The following SLC49A4 variants were observed in gnomAD, a reference collection of about 807,000 sequenced individuals.
SLC49A4 encodes the protein disrupted in renal cancer protein 2.
In SLC49A4, 36 loss-of-function variants were observed where a neutral mutation model predicts 50.6. The observed-to-expected ratio is 0.71, with a 90% confidence interval of 0.55 to 0.94. The LOEUF (loss-of-function observed/expected upper bound fraction) is 0.94. Ranked by LOEUF, SLC49A4 falls within the 40% of genes least tolerant of loss-of-function variation. SLC49A4 has a pLI of 0.00. For missense variants in SLC49A4, 503 were observed against 605.7 expected (o/e 0.83, Z 1.78); for synonymous variants, 248 against 241.2 (o/e 1.03, Z -0.26).
intron 4 of SLC49A4, among the ~76,000 whole-genome samples, chr3:122,838,215 C>G (rs1404728566): frequency 6.6e-6 from 1 of 152,110 alleles, no homozygotes; most frequent in Non-Finnish European, 1.5e-5. Flanking sequence ...TGGGTATATA[C>G]CCAAAGGATT....
chr3:122,813,783 G>A (rs1428170267), intron 2 of SLC49A4, among the ~76,000 whole-genome samples: 1 of 151,938 alleles, frequency 6.6e-6, no homozygotes, highest in Non-Finnish European at 1.5e-5. Flanking sequence ...TAAAAAATCA[G>A]GATTATTTGA....
chr3:122,848,061 T>G (rs1197084885), intron 5 of SLC49A4, among the ~76,000 whole-genome samples: 1 of 152,224 alleles, frequency 6.6e-6, no homozygotes, highest in Non-Finnish European at 1.5e-5. Flanking sequence ...TGTTGCACGG[T>G]GTAGATAGAG....
chr3:122,865,922 C>A (rs1937112983), intron 7 of SLC49A4, among the ~76,000 whole-genome samples: 1 of 152,172 alleles, frequency 6.6e-6, no homozygotes, highest in Non-Finnish European at 1.5e-5. Flanking sequence ...ATTATCTACT[C>A]CTTAAGATAA....
In SLC49A4 at chr3:122,859,214, C is replaced by G. The variant is rs549437235; in HGVS notation, c.1011-861C>G. ...GTAAACAGGAGTAAGACGTGAAGAT[C>G]CGGGTGGTACCAGCATTCCAGGCAG... On this transcript the variant is annotated intron_variant, in intron 6 of 8. Coordinates refer to ENST00000261038, the MANE Select transcript of SLC49A4 (RefSeq NM_032839.3). 2.0e-5 allele frequency among the ~76,000 whole-genome samples: 3 copies of G among 152,218 alleles called. No individual in the cohort carries two copies. In the South Asian group the frequency reaches 6.2e-4, roughly 32 times the overall value.
chr3:122,872,434 T>C lies in SLC49A4; in HGVS notation c.1158T>C (p.Cys386=). 2 of 1,611,400 alleles carry C rather than the reference T, an allele frequency of 1.2e-6. No homozygotes were observed. Among genetic ancestry groups the C allele is most frequent in the East Asian group, 2.2e-5 (1 of 44,856 alleles). Residue 386 remains cysteine (C), a synonymous_variant, in exon 8 of 9, where the codon TGT becomes TGC. Transcript: ENST00000261038. The part of the protein sequence containing the change: ...PLTTVTLYAS[C]ILLGVFLNSS... ...TTTTAGTGACATTGTATGCCTCCTGTATTCTCCTGGGAGTGTTCTTGAATA... is the reference window on the plus strand; with the variant it reads ...TTTTAGTGACATTGTATGCCTCCTGCATTCTCCTGGGAGTGTTCTTGAATA...
At chr3:122,841,662 G>A (rs1436471765) in intron 4 of SLC49A4, among the ~76,000 whole-genome samples, 1 of 152,196 alleles carries the variant, frequency 6.6e-6, no homozygotes, top group Admixed American at 6.5e-5. Context: ...CATTTCAAAT[G>A]CTATGTAATA....
intron 2 of SLC49A4, among the ~76,000 whole-genome samples, chr3:122,820,327 T>C (rs973948985): frequency 2.6e-5 from 4 of 152,198 alleles, no homozygotes; most frequent in Non-Finnish European, 2.9e-5. Flanking sequence ...TCCAATACTT[T>C]TTAAAGAAAG....
At chr3:122,843,882 G>A (rs6770288) in intron 4 of SLC49A4, among the ~76,000 whole-genome samples, 67 of 152,310 alleles carry the variant, frequency 4.4e-4, no homozygotes, top group African/African-American at 1.6e-3. Context: ...ATTTTGTGAT[G>A]TTAGCACTCT....
intron 2 of SLC49A4, among the ~76,000 whole-genome samples, chr3:122,820,629 A>G (rs549398255): frequency 2.6e-5 from 4 of 152,354 alleles, no homozygotes; most frequent in African/African-American, 7.2e-5. Context: ...TTGTCTGAAA[A>G]GCTATAGTCA....
intron 8 of SLC49A4, 29 bp from the exon 9 acceptor site, chr3:122,879,234 T>C (rs1347710485): frequency 6.5e-7 from 1 of 1,546,508 alleles, no homozygotes. Flanking sequence ...ACATGAATGT[T>C]TAAAACTGCA....
rs755865999 is a variant in SLC49A4 at position 122,833,383 on chromosome 3, C to A, written c.770C>A (p.Pro257His). ...TATTTCCCACCCCGACCTCCTCTTC[C>A]TCCCAGTGTTGCTGCAGCTAGCCAG... is the stretch of plus-strand genomic sequence containing the variant. ...LAYFPPRPPL[P>H]PSVAAASQRL... Residue 257 changes from proline (P) to histidine (H), a missense_variant, in exon 4 of 9, where the codon CCT (proline) becomes CAT (histidine). Transcript: ENST00000261038. 3 of 1,613,566 alleles carry A rather than the reference C, an allele frequency of 1.9e-6. No homozygotes were observed. In the African/African-American group the frequency reaches 4.0e-5, roughly 22 times the overall value.
chr3:122,857,572 G>T (rs1250722089), intron 6 of SLC49A4, among the ~76,000 whole-genome samples: 1 of 152,108 alleles, frequency 6.6e-6, no homozygotes, highest in Non-Finnish European at 1.5e-5. Flanking sequence ...TTCACATAGT[G>T]TTTCAGGGAT....
At chr3:122,840,229 A>C (rs747275297) in intron 4 of SLC49A4, among the ~76,000 whole-genome samples, 11 of 152,206 alleles carry the variant, frequency 7.2e-5, no homozygotes, top group Admixed American at 3.3e-4. Flanking sequence ...TTGGAGACTC[A>C]GAATGGAGAG....
chr3:122,865,519 A>C (rs1937107463), intron 7 of SLC49A4, among the ~76,000 whole-genome samples: 1 of 152,250 alleles, frequency 6.6e-6, no homozygotes, highest in African/African-American at 2.4e-5. Flanking sequence ...TCAGTGATAT[A>C]GAAATGTATA....
intron 8 of SLC49A4, among the ~76,000 whole-genome samples, chr3:122,876,842 T>A (rs958344962): frequency 6.6e-6 from 1 of 152,162 alleles, no homozygotes; most frequent in African/African-American, 2.4e-5. Flanking sequence ...AGAGCCCACT[T>A]CACTGAGTAA....
intron 7 of SLC49A4, among the ~76,000 whole-genome samples, chr3:122,869,099 A>G (rs1045996785): frequency 6.6e-6 from 1 of 152,234 alleles, no homozygotes; most frequent in East Asian, 1.9e-4. Flanking sequence ...TCCGCTGTCC[A>G]TTCATTTGTT....
chr3:122,798,641 T>C (rs981286187), intron 1 of SLC49A4, among the ~76,000 whole-genome samples: 4 of 124,978 alleles, frequency 3.2e-5, no homozygotes, highest in African/African-American at 9.1e-5. Flanking sequence ...TATCTTTTTT[T>C]TTTTTTTTTT....
chr3:122,853,266 G>A (rs1936946914), intron 5 of SLC49A4, among the ~76,000 whole-genome samples: 1 of 152,114 alleles, frequency 6.6e-6, no homozygotes, highest in Non-Finnish European at 1.5e-5. Flanking sequence ...CTTCCTAAAG[G>A]CCCCCACCTC....
At chr3:122,800,515 T>G (rs1042718387) in intron 1 of SLC49A4, among the ~76,000 whole-genome samples, 1 of 152,194 alleles carries the variant, frequency 6.6e-6, no homozygotes, top group African/African-American at 2.4e-5. Flanking sequence ...TTTTTTCTTT[T>G]TTTTGGTAAG....
Sources: allele counts gnomAD v4.1 joint callset (sites outside exome capture counted in the v4.1 genomes callset), GRCh38; gene constraint gnomAD v4.1.1; transcripts MANE v1.5; gene names NCBI Gene and HGNC (gene_info 2026-07-23, HGNC 2026-07-21).